The following PIP5K1B variants were observed in gnomAD, a reference collection of about 807,000 sequenced individuals.
PIP5K1B encodes the protein phosphatidylinositol-4-phosphate 5-kinase type 1 beta, also known as phosphatidylinositol 4-phosphate 5-kinase type-1 beta.
In PIP5K1B, 42 loss-of-function variants were observed where a neutral mutation model predicts 67.0. That is an observed-to-expected ratio of 0.63 (90% CI 0.49 to 0.81). The LOEUF (loss-of-function observed/expected upper bound fraction) is 0.81. Ranked by LOEUF, PIP5K1B falls within the 30% of genes least tolerant of loss-of-function variation. PIP5K1B has a pLI of 0.00. For synonymous variants in PIP5K1B, 214 were observed against 231.4 expected, an observed-to-expected ratio of 0.92 and a Z score of 0.68; for missense variants, 459 against 646.3, an observed-to-expected ratio of 0.71 and a Z score of 3.14.
At chr9:68,768,212 C>A (rs1360592963) in intron 2 of PIP5K1B, among the ~76,000 whole-genome samples, 2 of 152,114 alleles carry the variant, frequency 1.3e-5, no homozygotes, top group Admixed American at 6.5e-5. Context: ...CAAGAGAAAT[C>A]AGTAAGATGG....
At chr9:68,714,109 C>A (rs1170181612) in intron 1 of PIP5K1B, among the ~76,000 whole-genome samples, 2 of 152,222 alleles carry the variant, frequency 1.3e-5, no homozygotes, top group Non-Finnish European at 2.9e-5. Context: ...ATAAGCGAAT[C>A]TAAAATTTAT....
chr9:68,824,318 C>T, intron 4 of PIP5K1B: 1 of 512,146 alleles, frequency 2.0e-6, no homozygotes, highest in Admixed American at 2.0e-5. Flanking sequence ...AAAATGTGAC[C>T]ATGACATCTC....
intron 2 of PIP5K1B, among the ~76,000 whole-genome samples, chr9:68,779,035 A>G (rs1049301862): frequency 6.6e-6 from 1 of 152,148 alleles, no homozygotes; most frequent in African/African-American, 2.4e-5. Flanking sequence ...CTATCTGAAA[A>G]TAGCCTGCGT....
At position 68,708,040 on chromosome 9, in the gene PIP5K1B, C is replaced by T. The variant is rs371497564; in HGVS notation, c.-243+2278C>T. ...ATCACCTAAGAGACCTAGCTAATTA[C>T]TCTTTCACCTTTAGTTTATCCCTTC... On this transcript the variant is annotated intron_variant, in intron 1 of 15. Coordinates refer to ENST00000265382, the MANE Select transcript of PIP5K1B (RefSeq NM_003558.4). 9 of 152,184 alleles carry T rather than the reference C, an allele frequency of 5.9e-5. No homozygotes were observed. The East Asian group carries it at 7.7e-4, about 13-fold the overall frequency. The allele number at this position is 152,184 out of a possible 1,614,324, so 9.4% of individuals were successfully genotyped here.
chr9:68,904,830 A>G (rs1158567967), intron 8 of PIP5K1B, among the ~76,000 whole-genome samples: 1 of 152,030 alleles, frequency 6.6e-6, no homozygotes, highest in African/African-American at 2.4e-5. Context: ...AAAATGGGAG[A>G]CTGAAGGTAA....
At chr9:68,772,265 CTACTGAGACTTCTTGAATCT>C (rs1444565873) in intron 2 of PIP5K1B, among the ~76,000 whole-genome samples, 1 of 152,214 alleles carries the variant, frequency 6.6e-6, no homozygotes, top group Non-Finnish European at 1.5e-5. Flanking sequence ...GGAGCAGTAA[CTACTGAGACTTCTTGAATCT>C]TCTCTCAGTT....
At chr9:68,836,662 G>A (rs1292230712) in intron 4 of PIP5K1B, among the ~76,000 whole-genome samples, 1 of 146,112 alleles carries the variant, frequency 6.8e-6, no homozygotes, top group East Asian at 2.5e-4. Context: ...TTATTTTTAA[G>A]TGTGCATTTT....
rs762004906 is a variant in PIP5K1B at position 68,894,592 on chromosome 9, C to T, written c.725C>T (p.Thr242Met). ...QDMHEGLYFD[T>M]ETYNALMKTL... Reference sequence around the variant, plus strand: ...ATGCACGAAGGGTTGTATTTTGATACGGAAACATACAACGCGCTTATGAAA... The same window carrying T: ...ATGCACGAAGGGTTGTATTTTGATATGGAAACATACAACGCGCTTATGAAA... Residue 242 changes from threonine (T) to methionine (M), a missense_variant, in exon 8 of 16, where the codon ACG (threonine) becomes ATG (methionine). Transcript: ENST00000265382. The T allele has an allele frequency of 1.7e-5, 27 of 1,613,930 alleles. No individual in the cohort carries two copies. The highest frequency in any genetic ancestry group is 2.7e-5 in the African/African-American group (2 of 74,928).
chr9:68,724,480 T>C (rs1828057966), intron 1 of PIP5K1B, among the ~76,000 whole-genome samples: 4 of 152,146 alleles, frequency 2.6e-5, no homozygotes, highest in Non-Finnish European at 1.5e-5. Flanking sequence ...CGTATAGCGA[T>C]GTGCAGATTC....
At chr9:68,859,143 A>T (rs964899547) in intron 4 of PIP5K1B, among the ~76,000 whole-genome samples, 21 of 152,256 alleles carry the variant, frequency 1.4e-4, no homozygotes, top group African/African-American at 3.9e-4. Context: ...CGGTTTCCTT[A>T]TCTATACTAT....
At chr9:68,861,612 C>T (rs1823078818) in intron 4 of PIP5K1B, among the ~76,000 whole-genome samples, 1 of 152,146 alleles carries the variant, frequency 6.6e-6, no homozygotes, top group South Asian at 2.1e-4. Flanking sequence ...GGCTGCAGAG[C>T]ACTTGGGCAG....
chr9:68,915,999 T>C (rs997903070), intron 8 of PIP5K1B, among the ~76,000 whole-genome samples: 1 of 152,156 alleles, frequency 6.6e-6, no homozygotes, highest in Non-Finnish European at 1.5e-5. Flanking sequence ...TACTATATCA[T>C]AAATATCAAA....
chr9:68,969,135 G>A (rs1019263703), intron 14 of PIP5K1B, among the ~76,000 whole-genome samples: 15 of 152,070 alleles, frequency 9.9e-5, no homozygotes, highest in South Asian at 6.2e-4. Context: ...TTGGGAGGCC[G>A]AGGAGGGCAG....
At chr9:68,774,253 T>G (rs184664621) in intron 2 of PIP5K1B, among the ~76,000 whole-genome samples, 3 of 152,308 alleles carry the variant, frequency 2.0e-5, no homozygotes, top group Admixed American at 1.3e-4. Context: ...TCAGAGTTTA[T>G]GTGAGGTTGC....
At chr9:68,834,678 G>A (rs112286351) in intron 4 of PIP5K1B, among the ~76,000 whole-genome samples, 6 of 152,154 alleles carry the variant, frequency 3.9e-5, no homozygotes, top group Non-Finnish European at 8.8e-5. Context: ...AATATGGGGC[G>A]GGGCTGGGGG....
Position 68,888,919 on chromosome 9 carries a change from C to T in PIP5K1B, c.319-62C>T, listed in dbSNP as rs977343076. On this transcript the variant is annotated intron_variant, in intron 6 of 15. Coordinates refer to ENST00000265382, the MANE Select transcript of PIP5K1B (RefSeq NM_003558.4). Reference sequence around the variant, plus strand: ...TAAGATGTGCAATGCTATGATTGTCCTCCTTGGAGGCATCACGTACATCAA... The same window carrying T: ...TAAGATGTGCAATGCTATGATTGTCTTCCTTGGAGGCATCACGTACATCAA... The T allele has an allele frequency of 1.0e-5, 12 of 1,164,402 alleles. No homozygotes were observed. In the African/African-American group the frequency reaches 1.7e-4, roughly 16 times the overall value. 72.1% of individuals were successfully genotyped at this position (1,164,402 alleles called of 1,614,324 possible). A position where few individuals can be genotyped will look rare whatever the true frequency, so the allele number is the denominator to read the frequency against.
At chr9:68,855,306 G>A (rs1822712772) in intron 4 of PIP5K1B, among the ~76,000 whole-genome samples, 1 of 152,152 alleles carries the variant, frequency 6.6e-6, no homozygotes, top group Middle Eastern at 3.4e-3. Flanking sequence ...TGTTGTTGTG[G>A]TTTAGGACTC....
At chr9:68,783,802 C>G (rs1277187377) in intron 2 of PIP5K1B, 1 of 167,018 alleles carries the variant, frequency 6.0e-6, no homozygotes. Flanking sequence ...CTCTGGTCGG[C>G]TATCCATTCA....
At chr9:69,000,040 G>A (rs907872002) in intron 15 of PIP5K1B, among the ~76,000 whole-genome samples, 3 of 152,142 alleles carry the variant, frequency 2.0e-5, no homozygotes, top group Non-Finnish European at 4.4e-5. Context: ...TGGACTGGAG[G>A]CTACAATTAC....
Sources: allele counts gnomAD v4.1 joint callset (sites outside exome capture counted in the v4.1 genomes callset), GRCh38; gene constraint gnomAD v4.1.1; transcripts MANE v1.5; gene names NCBI Gene and HGNC (gene_info 2026-07-23, HGNC 2026-07-21).